The following PPM1L variants were observed in gnomAD, a reference collection of about 807,000 sequenced individuals.
PPM1L encodes the protein protein phosphatase, Mg2+/Mn2+ dependent 1L.
Under a neutral mutation model 31.4 loss-of-function variants are expected in PPM1L, and 13 were observed. The ratio of observed to expected loss-of-function variants is 0.41; its 90% CI spans 0.27 to 0.66. The LOEUF (loss-of-function observed/expected upper bound fraction) is 0.66, where lower values mean the gene tolerates loss of function less well. Among genes scored for constraint, PPM1L ranks in the 30% least tolerant of loss-of-function variants. The pLI is 0.29. For synonymous variants in PPM1L, 184 were observed against 175.4 expected (o/e 1.05, Z -0.39); for missense variants, 326 against 453.7 (o/e 0.72, Z 2.56).
chr3:161,063,931 A>C (rs1719649023), intron 2 of PPM1L, among the ~76,000 whole-genome samples: 2 of 152,296 alleles, frequency 1.3e-5, no homozygotes, highest in South Asian at 2.1e-4. Flanking sequence ...AGAAAACCAA[A>C]CACCACATGT....
intron 1 of PPM1L, among the ~76,000 whole-genome samples, chr3:160,793,355 A>G (rs1452436341): frequency 6.6e-6 from 1 of 152,176 alleles, no homozygotes; most frequent in Non-Finnish European, 1.5e-5. Flanking sequence ...TCAGATGAGC[A>G]AGTTTGAAAG....
At chr3:160,852,680 T>C (rs1711562942) in intron 1 of PPM1L, among the ~76,000 whole-genome samples, 1 of 152,222 alleles carries the variant, frequency 6.6e-6, no homozygotes, top group Non-Finnish European at 1.5e-5. Context: ...GGGTCAACTT[T>C]TCAATGACTG....
At chr3:161,064,862 T>C (rs1719676598) in intron 2 of PPM1L, among the ~76,000 whole-genome samples, 1 of 152,110 alleles carries the variant, frequency 6.6e-6, no homozygotes, top group South Asian at 2.1e-4. Flanking sequence ...GGAGTGGACC[T>C]GTTTCTGGCC....
rs150232519 is a variant in PPM1L, at chr3:160,824,500, G to T, written c.399+67793G>T. Among the ~76,000 whole-genome samples the T allele has an allele frequency of 9.8e-5, 15 of 152,298 alleles. No homozygotes were observed. The East Asian group carries it at 2.7e-3, about 27-fold the overall frequency. On this transcript the variant is annotated intron_variant, in intron 1 of 3. Transcript: ENST00000498165. ...GCAGGGAATTCCCTAATGAGGGAAA[G>T]GTCATAGGCTGGAATCCTGTGCGTG...
At chr3:161,011,847 G>T (rs755596412) in intron 2 of PPM1L, among the ~76,000 whole-genome samples, 157 of 152,074 alleles carry the variant, frequency 1.0e-3, no homozygotes, top group African/African-American at 3.1e-3. Context: ...AGAAGGCTTG[G>T]GATTTTTGCA....
intron 2 of PPM1L, among the ~76,000 whole-genome samples, chr3:161,001,384 G>A (rs900710928): frequency 5.9e-5 from 9 of 152,072 alleles, no homozygotes; most frequent in African/African-American, 1.2e-4. Flanking sequence ...CCGGGTTCAC[G>A]TGATTCTTGT....
chr3:161,068,879 GA>G lies in PPM1L; in HGVS notation c.806del (p.Asp269ValfsTer4). On this transcript the variant is annotated frameshift_variant, in exon 4 of 4. Coordinates refer to ENST00000498165, the MANE Select transcript of PPM1L (RefSeq NM_139245.4). LOFTEE classifies it high-confidence loss of function. ...CCTGGCCATGTCTCGGTCCCTGGGG[GA>G]TTATCCGCTGAAAAATCTCAACGTG... The part of the protein sequence containing the change: ...GILAMSRSLG[D>X]YPLKNLNVVI... The G allele has an allele frequency of 1.9e-6, 3 of 1,614,158 alleles. No homozygotes were observed. The highest frequency in any genetic ancestry group is 2.5e-6 in the Non-Finnish European group (3 of 1,180,030).
chr3:160,898,597 C>T (rs982680661), intron 1 of PPM1L, among the ~76,000 whole-genome samples: 1 of 152,142 alleles, frequency 6.6e-6, no homozygotes, highest in Non-Finnish European at 1.5e-5. Context: ...CATGTTGGGG[C>T]TTCTTGAGGA....
chr3:160,790,614 C>T (rs952423290), intron 1 of PPM1L, among the ~76,000 whole-genome samples: 15 of 151,966 alleles, frequency 9.9e-5, no homozygotes, highest in African/African-American at 3.6e-4. Flanking sequence ...AGTGGAGATA[C>T]TCTGAGGGTA....
chr3:160,943,959 T>C (rs983693590), intron 1 of PPM1L, among the ~76,000 whole-genome samples: 1 of 152,186 alleles, frequency 6.6e-6, no homozygotes, highest in African/African-American at 2.4e-5. Context: ...ATATTGTAGA[T>C]GGCAAAGTTT....
intron 2 of PPM1L, among the ~76,000 whole-genome samples, chr3:161,061,868 A>T (rs1719581985): frequency 1.3e-5 from 2 of 152,120 alleles, no homozygotes; most frequent in South Asian, 4.1e-4. Flanking sequence ...AACAACAAAA[A>T]ATTCAACTCA....
At chr3:160,947,401 T>C (rs1378411790) in intron 1 of PPM1L, among the ~76,000 whole-genome samples, 1 of 152,134 alleles carries the variant, frequency 6.6e-6, no homozygotes, top group Admixed American at 6.6e-5. Flanking sequence ...CAATAAAATA[T>C]ACTGTTTTTC....
Position 161,068,872 on chromosome 3 carries a change from C to T in PPM1L, c.798C>T (p.Ser266=), listed in dbSNP as rs1486361185. The T allele has an allele frequency of 6.2e-7, 1 of 1,614,102 alleles. No homozygotes were observed. The highest frequency in any genetic ancestry group is 1.7e-5 in the Admixed American group (1 of 60,010). The change falls in exon 4 of 4, where the codon TCC becomes TCT. Residue 266 remains serine, a synonymous_variant. Transcript: ENST00000498165. ...AGGGAATCCTGGCCATGTCTCGGTCCCTGGGGGATTATCCGCTGAAAAATC... is the reference window on the plus strand; with the variant it reads ...AGGGAATCCTGGCCATGTCTCGGTCTCTGGGGGATTATCCGCTGAAAAATC... ...RVQGILAMSR[S]LGDYPLKNLN...
chr3:160,820,736 T>C (rs1713174612), intron 1 of PPM1L, among the ~76,000 whole-genome samples: 1 of 152,140 alleles, frequency 6.6e-6, no homozygotes, highest in South Asian at 2.1e-4. Context: ...TTTTCACTGC[T>C]GTCCATTATG....
At chr3:160,935,850 C>A (rs1714952743) in intron 1 of PPM1L, among the ~76,000 whole-genome samples, 2 of 152,206 alleles carry the variant, frequency 1.3e-5, no homozygotes, top group South Asian at 4.1e-4. Flanking sequence ...GTAGAAAAAT[C>A]AGAAAAACAT....
At chr3:161,054,982 A>G (rs534644072) in intron 2 of PPM1L, among the ~76,000 whole-genome samples, 2 of 152,272 alleles carry the variant, frequency 1.3e-5, no homozygotes, top group African/African-American at 4.8e-5. Context: ...TTTGAATCGT[A>G]ATTAGTATTA....
At chr3:160,804,864 G>A (rs182280666) in intron 1 of PPM1L, among the ~76,000 whole-genome samples, 1 of 152,192 alleles carries the variant, frequency 6.6e-6, no homozygotes, top group Non-Finnish European at 1.5e-5. Flanking sequence ...TTTGTGGTTA[G>A]CCCCTATAGT....
chr3:160,931,062 T>A (rs895337648), intron 1 of PPM1L, among the ~76,000 whole-genome samples: 10 of 152,198 alleles, frequency 6.6e-5, no homozygotes, highest in Admixed American at 2.0e-4. Flanking sequence ...AGAGGTTCAG[T>A]TACATGCTCT....
intron 2 of PPM1L, among the ~76,000 whole-genome samples, chr3:161,047,148 T>C (rs1212332603): frequency 6.6e-6 from 1 of 152,138 alleles, no homozygotes; most frequent in Admixed American, 6.6e-5. Flanking sequence ...GGAAGTCAAA[T>C]TGTCCCTGTT....
Sources: allele counts gnomAD v4.1 joint callset (sites outside exome capture counted in the v4.1 genomes callset), GRCh38; gene constraint gnomAD v4.1.1; transcripts MANE v1.5; gene names NCBI Gene and HGNC (gene_info 2026-07-23, HGNC 2026-07-21).